Variants in PHIP observed in about 807,000 individuals in gnomAD.
PHIP encodes PHIP subunit of CUL4-Ring ligase complex, also known as PH-interacting protein.
In PHIP, 54 loss-of-function variants were observed where a neutral mutation model predicts 236.8. The ratio of observed to expected loss-of-function variants is 0.23; its 90% CI spans 0.18 to 0.29. The LOEUF (loss-of-function observed/expected upper bound fraction) is 0.29, where lower values mean the gene tolerates loss of function less well. PHIP is among the 10% of genes least tolerant of loss of function. PHIP has a pLI of 1.00. For missense variants in PHIP, 1,370 were observed against 2,190.8 expected (o/e 0.63, Z 7.48); for synonymous variants, 756 against 718.9 (o/e 1.05, Z -0.83).
intron 19 of PHIP, among the ~76,000 whole-genome samples, chr6:78,995,086 C>A (rs900938251): frequency 1.3e-5 from 2 of 152,128 alleles, no homozygotes; most frequent in African/African-American, 4.8e-5. Context: ...CATTCCTATA[C>A]CCTTGTCATT....
chr6:78,970,552 T>C (rs913165329), intron 25 of PHIP, among the ~76,000 whole-genome samples: 1 of 152,176 alleles, frequency 6.6e-6, no homozygotes, highest in Non-Finnish European at 1.5e-5. Context: ...TCACTATAAC[T>C]AAATTTTGTA....
At position 79,026,114 on chromosome 6, in the gene PHIP, C is replaced by G. The variant is rs1771387602; in HGVS notation, c.651G>C (p.Leu217Phe). Residue 217 changes from leucine to phenylalanine, a missense_variant, in exon 8 of 40, where the codon TTG (leucine) becomes TTC (phenylalanine). This residue lies in a region of PHIP where 3 missense variants were observed against 35.3 expected (regional missense o/e 0.08). Transcript: ENST00000275034. ...CAGCATGTCCTCTTAAGGTAGCTAACAACCTCCCATCATCTGTTGCCCATA... is the reference window on the plus strand; with the variant it reads ...CAGCATGTCCTCTTAAGGTAGCTAAGAACCTCCCATCATCTGTTGCCCATA... ...VKIWATDDGR[L>F]LATLRGHAAE... 1 of 1,613,956 alleles carries G rather than the reference C, an allele frequency of 6.2e-7. No individual in the cohort carries two copies. Among genetic ancestry groups the G allele is most frequent in the Non-Finnish European group, 8.5e-7 (1 of 1,179,950 alleles).
At chr6:79,069,088 T>C (rs1773763543) in intron 4 of PHIP, among the ~76,000 whole-genome samples, 1 of 151,434 alleles carries the variant, frequency 6.6e-6, no homozygotes, top group African/African-American at 2.4e-5. Flanking sequence ...AAGGCCAGTT[T>C]ATTGGAATAT....
At chr6:79,003,555 A>G (rs748211613) in intron 16 of PHIP, among the ~76,000 whole-genome samples, 175 bp downstream of exon 16, 3 of 152,008 alleles carry the variant, frequency 2.0e-5, no homozygotes, top group Non-Finnish European at 4.4e-5. Context: ...AGTGAGATTT[A>G]ACTGCTGTCT....
chr6:78,942,344 G>A (rs902585283), intron 39 of PHIP, among the ~76,000 whole-genome samples: 36 of 152,140 alleles, frequency 2.4e-4, no homozygotes, highest in African/African-American at 8.2e-4. Context: ...GTAGCTGGGC[G>A]TGGTGGTGGG....
At chr6:79,030,937 T>TTTG (rs1562193454) in intron 7 of PHIP, among the ~76,000 whole-genome samples, 2 of 152,028 alleles carry the variant, frequency 1.3e-5, no homozygotes, top group Non-Finnish European at 2.9e-5. Context: ...TCTTGTTTTT[T>TTTG]TTTGTTTGTT....
chr6:79,058,796 C>A (rs191501243), intron 6 of PHIP, among the ~76,000 whole-genome samples: 5 of 152,170 alleles, frequency 3.3e-5, no homozygotes, highest in Admixed American at 3.3e-4. Flanking sequence ...TACCACAGGC[C>A]TGACTGACAA....
At chr6:79,036,422 T>TTA (rs1416052375) in intron 7 of PHIP, among the ~76,000 whole-genome samples, 2 of 152,198 alleles carry the variant, frequency 1.3e-5, no homozygotes, top group African/African-American at 4.8e-5. Context: ...CTCTTTTCCA[T>TTA]TATTATCAAA....
rs759785518 is a variant in PHIP, at chr6:79,060,801, G to A, written c.207C>T (p.His69=). ...TTTGCAGCAAGTGATCAGGTGCTAA[G>A]TGTCTGTAATACTTCACCTATTATG... ...TYQNLVKYYR[H]LAPDHLLQIC... The change falls in exon 5 of 40, where the codon CAC becomes CAT. Residue 69 remains histidine (H), a synonymous_variant. Transcript: ENST00000275034. The A allele has an allele frequency of 6.2e-7, 1 of 1,609,428 alleles. No individual in the cohort carries two copies. The highest frequency in any genetic ancestry group is 8.5e-7 in the Non-Finnish European group (1 of 1,176,130).
intron 20 of PHIP, among the ~76,000 whole-genome samples, chr6:78,989,636 C>T (rs1485275875): frequency 6.6e-6 from 1 of 152,122 alleles, no homozygotes; most frequent in African/African-American, 2.4e-5. Flanking sequence ...TGTGCATGCA[C>T]ACACATACAT....
chr6:79,060,174 C>A (rs192116941), intron 6 of PHIP, among the ~76,000 whole-genome samples: 1 of 151,612 alleles, frequency 6.6e-6, no homozygotes, highest in Admixed American at 6.6e-5. Context: ...TATAACTAAT[C>A]TGAATTATAT....
chr6:78,998,530 G>A, intron 17 of PHIP, 139 bp from the exon 18 acceptor site: 2 of 558,652 alleles, frequency 3.6e-6, no homozygotes, highest in Non-Finnish European at 6.1e-6. Flanking sequence ...TATAAATGAT[G>A]GGAGTTAAAA....
Position 79,078,216 on chromosome 6 carries a change from G to A in PHIP, c.-148C>T. On this transcript the variant is annotated 5_prime_UTR_variant, in exon 1 of 40. Coordinates refer to ENST00000275034, the MANE Select transcript of PHIP (RefSeq NM_017934.7). ...TTCAAGCAACGGCGGCGGAGGCGGA[G>A]GAGGAGGAGGAGGAAACAACAACTC... 1.5e-6 allele frequency: 1 copy of A among 677,308 alleles called. No homozygotes were observed. Among genetic ancestry groups the A allele is most frequent in the Non-Finnish European group, 2.5e-6 (1 of 398,948 alleles). 42.0% of individuals were successfully genotyped at this position (677,308 alleles called of 1,614,324 possible). A position where few individuals can be genotyped will look rare whatever the true frequency, so the allele number is the denominator to read the frequency against.
intron 7 of PHIP, among the ~76,000 whole-genome samples, chr6:79,040,655 C>T (rs1331785265): frequency 6.6e-6 from 1 of 152,030 alleles, no homozygotes; most frequent in Non-Finnish European, 1.5e-5. Context: ...ACACTCAGCA[C>T]CCACTTTATT....
At chr6:78,974,870 G>A (rs1164251691) in intron 24 of PHIP, among the ~76,000 whole-genome samples, 3 of 151,338 alleles carry the variant, frequency 2.0e-5, no homozygotes, top group African/African-American at 7.3e-5. Context: ...CTGAAATTGT[G>A]GCAATAATCA....
intron 6 of PHIP, among the ~76,000 whole-genome samples, chr6:79,051,604 G>T (rs751107422): frequency 1.3e-5 from 2 of 152,050 alleles, no homozygotes; most frequent in Non-Finnish European, 2.9e-5. Flanking sequence ...ATACCATAAA[G>T]ATGCATAATG....
chr6:78,954,717 A>G, intron 35 of PHIP, 97 bp downstream of exon 35: 1 of 747,610 alleles, frequency 1.3e-6, no homozygotes, highest in Non-Finnish European at 2.1e-6. Flanking sequence ...ATAAAGAAAT[A>G]AACTATAATC....
At chr6:78,981,672 C>A (rs1211088431) in intron 23 of PHIP, among the ~76,000 whole-genome samples, 1 of 151,948 alleles carries the variant, frequency 6.6e-6, no homozygotes, top group Non-Finnish European at 1.5e-5. Context: ...CTTATCACTG[C>A]AAACCTCAAA....
chr6:78,980,643 G>C (rs1768459798), intron 23 of PHIP, among the ~76,000 whole-genome samples: 1 of 151,886 alleles, frequency 6.6e-6, no homozygotes, highest in Non-Finnish European at 1.5e-5. Flanking sequence ...ACAGTAATTT[G>C]ATATATACAC....
Sources: allele counts gnomAD v4.1 joint callset (sites outside exome capture counted in the v4.1 genomes callset), GRCh38; gene constraint gnomAD v4.1.1; regional missense constraint gnomAD v4.1.1; transcripts MANE v1.5; gene names NCBI Gene and HGNC (gene_info 2026-07-23, HGNC 2026-07-21).